The following PRKAR1B variants were observed in gnomAD, a reference collection of about 807,000 sequenced individuals.
PRKAR1B encodes the protein protein kinase cAMP-dependent type I regulatory subunit beta, also known as cAMP-dependent protein kinase type I-beta regulatory subunit.
Under a neutral mutation model 46.5 loss-of-function variants are expected in PRKAR1B, and 22 were observed. The ratio of observed to expected loss-of-function variants is 0.47; its 90% CI spans 0.34 to 0.68. PRKAR1B has a LOEUF of 0.68. Ranked by LOEUF, PRKAR1B falls within the 30% of genes least tolerant of loss-of-function variation. The pLI is 0.01. For missense variants in PRKAR1B, 445 were observed against 535.6 expected, an observed-to-expected ratio of 0.83 and a Z score of 1.67; for synonymous variants, 259 against 217.7, an observed-to-expected ratio of 1.19 and a Z score of -1.67.
intron 7 of PRKAR1B, among the ~76,000 whole-genome samples, chr7:585,475 T>C (rs1296358489): frequency 3.3e-5 from 5 of 152,122 alleles, no homozygotes; most frequent in African/African-American, 4.8e-5. Flanking sequence ...ATTCAAATGG[T>C]ATCATCCACT....
At chr7:715,821 T>C (rs1010094884) in intron 1 of PRKAR1B, among the ~76,000 whole-genome samples, 4 of 151,926 alleles carry the variant, frequency 2.6e-5, no homozygotes, top group Admixed American at 6.6e-5. Context: ...GTTCACGCCA[T>C]TCTCCTGCCT....
In PRKAR1B at chr7:633,527, G is replaced by T. The variant is rs1162138314; in HGVS notation, c.441-26075C>A. ...ACCTGTAGTCCCAACATTTTGGGAG[G>T]CCGAGGCGGGAGGATCACTTCAGGC... is the stretch of plus-strand genomic sequence containing the variant. On this transcript the variant is annotated intron_variant, in intron 4 of 10. Coordinates refer to ENST00000537384, the MANE Select transcript of PRKAR1B (RefSeq NM_001164760.2). Among the ~76,000 whole-genome samples the T allele has an allele frequency of 2.0e-5, 3 of 152,144 alleles. No homozygotes were observed. The East Asian group carries it at 5.8e-4, about 29-fold the overall frequency.
chr7:716,826 A>G (rs1468350630), intron 1 of PRKAR1B: 1 of 152,162 alleles, frequency 6.6e-6, no homozygotes. Flanking sequence ...TTCACTGCGC[A>G]ACGTCCGTAT....
intron 4 of PRKAR1B, among the ~76,000 whole-genome samples, chr7:627,946 A>ACAGG (rs1390240684): frequency 2.0e-5 from 3 of 152,038 alleles, no homozygotes; most frequent in Admixed American, 1.3e-4. Context: ...CACCAGCAAA[A>ACAGG]CAGGGGTGAA....
At chr7:606,056 C>T (rs998860517) in intron 6 of PRKAR1B, 137 bp downstream of exon 6, 11 of 762,516 alleles carry the variant, frequency 1.4e-5, no homozygotes, top group East Asian at 2.6e-5. Context: ...ATAGCAGTTG[C>T]ATTTCTGGAT....
chr7:641,843 TA>T (rs1784405182), intron 4 of PRKAR1B, among the ~76,000 whole-genome samples: 1 of 152,232 alleles, frequency 6.6e-6, no homozygotes, highest in Non-Finnish European at 1.5e-5. Context: ...TTATTATCAC[TA>T]TTTTTTATTT....
chr7:612,141 ATGT>A (rs1782544094), intron 4 of PRKAR1B, among the ~76,000 whole-genome samples: 1 of 128,470 alleles, frequency 7.8e-6, no homozygotes, highest in African/African-American at 3.0e-5. Context: ...GGATGGATGG[ATGT>A]AAGGATGGAT....
At chr7:576,123 G>A (rs191882083) in intron 9 of PRKAR1B, among the ~76,000 whole-genome samples, 212 of 150,168 alleles carry the variant, frequency 1.4e-3, no homozygotes, top group Admixed American at 2.1e-3. Flanking sequence ...CTCTGCACAC[G>A]GGCGGGCGTG....
At chr7:622,687 T>C (rs527676118) in intron 4 of PRKAR1B, among the ~76,000 whole-genome samples, 5 of 152,022 alleles carry the variant, frequency 3.3e-5, no homozygotes, top group African/African-American at 4.8e-5. Flanking sequence ...GCACCAACAG[T>C]AGGTCTGCAG....
intron 4 of PRKAR1B, among the ~76,000 whole-genome samples, chr7:630,548 ATTGTT>A (rs1783676681): frequency 6.6e-6 from 1 of 152,076 alleles, no homozygotes; most frequent in Non-Finnish European, 1.5e-5. Flanking sequence ...TTTTGTTATT[ATTGTT>A]TTAATTTGGT....
chr7:615,136 A>G (rs920865027), intron 4 of PRKAR1B, among the ~76,000 whole-genome samples: 10 of 151,924 alleles, frequency 6.6e-5, no homozygotes, highest in African/African-American at 2.4e-4. Context: ...AAAGAAAGAG[A>G]GAAAGAAGGC....
chr7:570,823 T>A (rs981413900), intron 9 of PRKAR1B, among the ~76,000 whole-genome samples: 13 of 147,960 alleles, frequency 8.8e-5, no homozygotes, highest in African/African-American at 2.3e-4. Flanking sequence ...GCCCCCTCCC[T>A]CCCGGTATCC....
chr7:693,657 C>T (rs1024301090), intron 2 of PRKAR1B, among the ~76,000 whole-genome samples: 3 of 151,838 alleles, frequency 2.0e-5, no homozygotes, highest in African/African-American at 4.8e-5. Context: ...AGCTGACGGA[C>T]GTGCGAGGTT....
intron 4 of PRKAR1B, among the ~76,000 whole-genome samples, chr7:649,271 T>C (rs1784775310): frequency 6.6e-6 from 1 of 152,266 alleles, no homozygotes; most frequent in Admixed American, 6.5e-5. Flanking sequence ...ACAGAATTTA[T>C]CCCAATGTAA....
intron 2 of PRKAR1B, among the ~76,000 whole-genome samples, chr7:708,340 G>A (rs4720493): frequency 0.11 from 16,398 of 152,164 alleles, 1,206 homozygotes; most frequent in South Asian, 0.21. Flanking sequence ...TAAGATGCCC[G>A]GTGTGTGGTA....
At chr7:712,254 G>A (rs1349661403) in intron 1 of PRKAR1B, among the ~76,000 whole-genome samples, 3 of 144,960 alleles carry the variant, frequency 2.1e-5, no homozygotes, top group Admixed American at 6.8e-5. Context: ...CCTCAGCGCC[G>A]GCGAGGACCC....
chr7:554,327 TG>T (rs1778271065), intron 9 of PRKAR1B, among the ~76,000 whole-genome samples: 7 of 152,390 alleles, frequency 4.6e-5, no homozygotes, highest in Admixed American at 4.6e-4. Context: ...CGGCGTTATT[TG>T]TCTGGACAGC....
chr7:657,127 A>G (rs116962493), intron 4 of PRKAR1B, among the ~76,000 whole-genome samples: 3,594 of 141,222 alleles, frequency 0.025, 71 homozygotes, highest in Middle Eastern at 0.05. Flanking sequence ...ATGGATGGAT[A>G]GATGGATGAA....
intron 9 of PRKAR1B, among the ~76,000 whole-genome samples, chr7:553,214 C>T (rs924573461): frequency 5.9e-5 from 9 of 152,218 alleles, no homozygotes; most frequent in African/African-American, 2.2e-4. Context: ...GCTGGGAAGA[C>T]ACACTAGAGA....
Sources: gnomAD v4.1 joint callset for allele counts (sites outside exome capture counted in the v4.1 genomes callset) on GRCh38, gnomAD v4.1.1 for gene constraint, MANE v1.5 for transcripts, NCBI Gene and HGNC (gene_info 2026-07-23, HGNC 2026-07-21) for gene names.